Variants in ZNF480 observed in about 807,000 individuals in gnomAD.
ZNF480 encodes zinc finger protein 480.
In ZNF480, 15 loss-of-function variants were observed where a neutral mutation model predicts 14.4. The observed-to-expected ratio is 1.04, with a 90% confidence interval of 0.70 to 1.60. The LOEUF is 1.60. Among genes scored for constraint, ZNF480 ranks in the 40% most tolerant of loss-of-function variants. ZNF480 has a pLI of 0.00. For synonymous variants in ZNF480, 218 were observed against 215.5 expected, an observed-to-expected ratio of 1.01 and a Z score of -0.10; for missense variants, 593 against 629.7, an observed-to-expected ratio of 0.94 and a Z score of 0.62.
chr19:52,315,289 C>A (rs1034492315), intron 3 of ZNF480, among the ~76,000 whole-genome samples: 1 of 151,740 alleles, frequency 6.6e-6, no homozygotes, highest in Non-Finnish European at 1.5e-5. Context: ...ACCCACTTCC[C>A]TGTTTTCTAC....
intron 1 of ZNF480, among the ~76,000 whole-genome samples, chr19:52,298,370 C>T (rs1271568157): frequency 5.9e-5 from 9 of 152,094 alleles, no homozygotes; most frequent in African/African-American, 1.4e-4. Context: ...CAGTGGCTCA[C>T]GCCTGTAATC....
chr19:52,313,523 A>G (rs920205628), intron 2 of ZNF480, among the ~76,000 whole-genome samples: 7 of 152,032 alleles, frequency 4.6e-5, no homozygotes, highest in Non-Finnish European at 1.0e-4. Context: ...TGATATTGGT[A>G]GGTATTCAGA....
chr19:52,300,249 G>C, intron 1 of ZNF480, 145 bp from the exon 2 acceptor site: 1 of 871,112 alleles, frequency 1.1e-6, no homozygotes, highest in Non-Finnish European at 1.7e-6. Context: ...TCCTGTAGGA[G>C]TTTCTTGTCT....
At chr19:52,320,474 G>A (rs116818114) in intron 4 of ZNF480, among the ~76,000 whole-genome samples, 390 of 152,220 alleles carry the variant, frequency 2.6e-3, no homozygotes, top group African/African-American at 9.0e-3. Context: ...GCAATATCAC[G>A]AGCCCTTGTC....
chr19:52,313,374 GT>G (rs1983385002), intron 2 of ZNF480, among the ~76,000 whole-genome samples: 3 of 151,382 alleles, frequency 2.0e-5, no homozygotes, highest in African/African-American at 7.3e-5. Context: ...CTGACCTCAG[GT>G]CATCTGCCCA....
chr19:52,307,099 A>C (rs1421514332), intron 2 of ZNF480, among the ~76,000 whole-genome samples: 4 of 152,156 alleles, frequency 2.6e-5, no homozygotes, highest in African/African-American at 9.7e-5. Context: ...AGGTGGAATG[A>C]ACCAGAGCCC....
At chr19:52,308,096 C>A (rs1007598366) in intron 2 of ZNF480, among the ~76,000 whole-genome samples, 2 of 152,024 alleles carry the variant, frequency 1.3e-5, no homozygotes, top group Non-Finnish European at 2.9e-5. Flanking sequence ...GGGAAGGGCT[C>A]ACTCCCTAGC....
rs1443246272 is a variant in ZNF480, at chr19:52,315,886, G to A, written c.252G>A (p.Glu84=). The part of the protein sequence containing the change: ...NINSMLEQRR[E]PWSGESEVKI... ...ACTCCATGTTGGAGCAAAGGAGGGA[G>A]CCCTGGTCTGGTGAGAGTGAAGTGA... Residue 84 remains glutamate, a synonymous_variant, in exon 4 of 5, where the codon GAG becomes GAA. Transcript: ENST00000595962. 1.2e-6 allele frequency: 2 copies of A among 1,613,274 alleles called. No homozygotes were observed. Among genetic ancestry groups the A allele is most frequent in the African/African-American group, 2.7e-5 (2 of 74,844 alleles).
chr19:52,317,963 C>A (rs1226412635), intron 4 of ZNF480, among the ~76,000 whole-genome samples: 1 of 151,988 alleles, frequency 6.6e-6, no homozygotes, highest in African/African-American at 2.4e-5. Flanking sequence ...GCATTTCTCT[C>A]TAATGATTTG....
At chr19:52,299,679 A>G (rs1156474446) in intron 1 of ZNF480, among the ~76,000 whole-genome samples, 2 of 151,694 alleles carry the variant, frequency 1.3e-5, no homozygotes, top group Non-Finnish European at 2.9e-5. Flanking sequence ...GCTTTGGGAT[A>G]CCCTGATTTT....
At chr19:52,308,822 G>A (rs1194749326) in intron 2 of ZNF480, 3 of 147,098 alleles carry the variant, frequency 2.0e-5, no homozygotes, top group African/African-American at 7.5e-5. Context: ...TGTCAGAGAG[G>A]AGGAAATCAT....
intron 2 of ZNF480, among the ~76,000 whole-genome samples, chr19:52,310,831 T>G (rs1394044804): frequency 6.6e-6 from 1 of 151,158 alleles, no homozygotes; most frequent in African/African-American, 2.4e-5. Flanking sequence ...AAACCCTGTC[T>G]CTACTAAAAA....
At position 52,321,693 on chromosome 19, in the gene ZNF480, T is replaced by G; in HGVS notation, c.443T>G (p.Ile148Arg). 7 of 1,614,088 alleles carry G rather than the reference T, an allele frequency of 4.3e-6. No individual in the cohort carries two copies. The highest frequency in any genetic ancestry group is 5.9e-6 in the Non-Finnish European group (7 of 1,179,984). ...ELELFPDERV[I>R]NGCNQVENFI... The stretch of plus-strand genomic sequence containing the variant: ...GAGCTATTTCCAGATGAAAGGGTAA[T>G]AAATGGATGTAATCAAGTTGAAAAC... Residue 148 changes from isoleucine (I) to arginine (R), a missense_variant, in exon 5 of 5, where the codon ATA becomes AGA. By Grantham distance (97) the Ile-to-Arg change is moderately conservative. Transcript: ENST00000595962.
intron 4 of ZNF480, among the ~76,000 whole-genome samples, chr19:52,320,578 G>A (rs1002327452): frequency 6.6e-6 from 1 of 152,148 alleles, no homozygotes; most frequent in Non-Finnish European, 1.5e-5. Context: ...GCCGGATCAT[G>A]GTCAGGAGTT....
At chr19:52,301,672 G>A (rs1301723356) in intron 2 of ZNF480, 1 of 152,118 alleles carries the variant, frequency 6.6e-6, no homozygotes, top group African/African-American at 2.4e-5. Flanking sequence ...TCTTTGTACT[G>A]TGGAATGCAA....
chr19:52,321,824 C>G lies in ZNF480; in HGVS notation c.574C>G (p.Gln192Glu), dbSNP rs932158669. 5 of 1,613,990 alleles carry G rather than the reference C, an allele frequency of 3.1e-6. No individual in the cohort carries two copies. The Middle Eastern group carries it at 5.0e-4, about 160-fold the overall frequency. ...NDFDDSSFLP[Q>E]EQKVHLREKP... is the part of the protein sequence containing the mutation. The stretch of plus-strand genomic sequence containing the variant: ...TTTTGATGATTCTTCATTTCTCCCA[C>G]AAGAACAGAAAGTACACCTTAGAGA... The change falls in exon 5 of 5, where the codon CAA becomes GAA. Residue 192 changes from glutamine (Q) to glutamate (E), a missense_variant. Physicochemically the swap from Gln to Glu is conservative, Grantham distance 29. Transcript: ENST00000595962.
At chr19:52,311,110 G>A (rs1416151944) in intron 2 of ZNF480, among the ~76,000 whole-genome samples, 1 of 149,142 alleles carries the variant, frequency 6.7e-6, no homozygotes, top group Non-Finnish European at 1.5e-5. Flanking sequence ...ATGTATTAAT[G>A]TTTTATTAAT....
intron 2 of ZNF480, among the ~76,000 whole-genome samples, chr19:52,302,759 T>A (rs1600213091): frequency 6.6e-6 from 1 of 152,216 alleles, no homozygotes; most frequent in East Asian, 1.9e-4. Flanking sequence ...AATGCACCAA[T>A]TGGCAAGTTG....
intron 2 of ZNF480, chr19:52,313,829 A>G (rs1242462555): frequency 4.6e-6 from 2 of 438,240 alleles, no homozygotes; most frequent in African/African-American, 2.0e-5. Flanking sequence ...AAATACAAAA[A>G]TTAGCCAGGT....
Sources: allele counts gnomAD v4.1 joint callset (sites outside exome capture counted in the v4.1 genomes callset), GRCh38; gene constraint gnomAD v4.1.1; transcripts MANE v1.5; gene names NCBI Gene and HGNC (gene_info 2026-07-23, HGNC 2026-07-21).